OGG1: variants seen among roughly 807,000 people sequenced by gnomAD.
The protein encoded by OGG1 is N-glycosylase/DNA lyase.
Under a neutral mutation model 42.3 loss-of-function variants are expected in OGG1, and 35 were observed. The observed-to-expected ratio is 0.83, with a 90% CI of 0.63 to 1.10. The LOEUF is 1.10. OGG1 is among the 50% of genes least tolerant of loss of function. The probability of loss-of-function intolerance (pLI) is 0.00; values close to 1 mark genes in which losing one functional copy is unlikely to be tolerated. For synonymous variants in OGG1, 189 were observed against 179.0 expected (o/e 1.06, Z -0.44); for missense variants, 484 against 446.7 (o/e 1.08, Z -0.75).
At chr3:9,754,596 G>A in intron 3 of OGG1, 108 bp from the exon 4 acceptor site, 2 of 1,210,250 alleles carry the variant, frequency 1.7e-6, no homozygotes, top group Non-Finnish European at 2.4e-6. Flanking sequence ...GAGGTAGGAG[G>A]GGAACTTAGG....
intron 3 of OGG1, among the ~76,000 whole-genome samples, chr3:9,782,284 C>G (rs1244335591): frequency 6.6e-6 from 1 of 152,228 alleles, no homozygotes; most frequent in Non-Finnish European, 1.5e-5. Context: ...GGCTTTGATT[C>G]AACCACAGGT....
chr3:9,750,387 G>T lies in OGG1; in HGVS notation c.101G>T (p.Arg34Leu), dbSNP rs756052627. Residue 34 changes from arginine (R) to leucine (L), a missense_variant, in exon 1 of 7, where the codon CGC (arginine) becomes CTC (leucine). Arg to Leu is a moderately radical substitution (Grantham distance 102). Transcript: ENST00000344629. ...ASIPCPRSEL[R>L]LDLVLPSGQS... ...ATCCCGTGCCCTCGCTCTGAGCTGC[G>T]CCTGGACCTGGTTCTGCCTTCTGGA... 1 of 1,614,020 alleles carries T rather than the reference G, an allele frequency of 6.2e-7. No homozygotes were observed. Among genetic ancestry groups the T allele is most frequent in the Non-Finnish European group, 8.5e-7 (1 of 1,180,028 alleles).
intron 3 of OGG1, among the ~76,000 whole-genome samples, chr3:9,752,984 G>C (rs1171447968): frequency 6.6e-6 from 1 of 151,990 alleles, no homozygotes; most frequent in Non-Finnish European, 1.5e-5. Context: ...GGAGCAGGAG[G>C]CTCCAGTGAA....
chr3:9,785,943 T>A (rs1359914158), intron 3 of OGG1, among the ~76,000 whole-genome samples: 1 of 97,732 alleles, frequency 1.0e-5, no homozygotes, highest in Admixed American at 9.4e-5. Flanking sequence ...TTTTGTTTTG[T>A]TTTTTTTTTT....
downstream of OGG1, chr3:9,760,155 A>G (rs1032924177): frequency 4.9e-6 from 1 of 202,802 alleles, no homozygotes; most frequent in African/African-American, 2.3e-5. Context: ...GAGGCAGAGA[A>G]TTGCTCGAAC....
intron 3 of OGG1, among the ~76,000 whole-genome samples, chr3:9,784,395 C>T (rs1299640571): frequency 6.6e-6 from 1 of 152,028 alleles, no homozygotes; most frequent in Admixed American, 6.6e-5. Context: ...AAACAAGCAA[C>T]GTATGTATCT....
Position 9,757,269 on chromosome 3 carries a change from G to A in OGG1, c.*119G>A, listed in dbSNP as rs1265917716. On this transcript the variant is annotated 3_prime_UTR_variant, in exon 7 of 7. Transcript: ENST00000344629. This position sits in a 1 kb window ranked among gnomAD's most constrained non-coding sequence, Gnocchi z 4.5. ...GGGCCTCCCTGTGACTACCTCAAAG[G>A]CCAGGCACCCCCAAATCAAGCAGTC... 2 of 1,614,024 alleles carry A rather than the reference G, an allele frequency of 1.2e-6. No individual in the cohort carries two copies. The highest frequency in any genetic ancestry group is 1.1e-5 in the South Asian group (1 of 91,088).
At chr3:9,777,221 G>C (rs757084291) in intron 2 of OGG1, among the ~76,000 whole-genome samples, 5 of 152,172 alleles carry the variant, frequency 3.3e-5, no homozygotes, top group Non-Finnish European at 7.4e-5. Context: ...TGCTTTCTAG[G>C]GCCAAGACAC....
At chr3:9,767,740 C>A, downstream of OGG1, 1 of 1,613,996 alleles carries the variant, frequency 6.2e-7, no homozygotes, top group Non-Finnish European at 8.5e-7. Flanking sequence ...CCTTCCACTG[C>A]CCCCAGCATG....
chr3:9,751,356 TAGTA>T (rs1162830255), intron 2 of OGG1, among the ~76,000 whole-genome samples, 164 bp downstream of exon 2: 4 of 152,218 alleles, frequency 2.6e-5, no homozygotes, highest in Non-Finnish European at 4.4e-5. Context: ...GCCAGGCACA[TAGTA>T]AGTATTATTA....
rs1319399932 is a variant in OGG1, at chr3:9,750,528, C to G, written c.137+105C>G. The G allele has an allele frequency of 2.0e-6, 3 of 1,520,424 alleles. No individual in the cohort carries two copies. The Admixed American group carries it at 5.6e-5, about 28-fold the overall frequency. 94.2% of individuals were successfully genotyped at this position (1,520,424 alleles called of 1,614,324 possible). On this transcript the variant is annotated intron_variant, in intron 1 of 6. Coordinates refer to ENST00000344629, the MANE Select transcript of OGG1 (RefSeq NM_002542.6). ...GAATTTGGGGGATGATGGAAGAAAC[C>G]CGGGGTACAAAAGAGGAAACAAGCA...
downstream of OGG1, chr3:9,761,575 C>T (rs376170684): frequency 6.8e-6 from 11 of 1,613,092 alleles, no homozygotes; most frequent in Non-Finnish European, 9.3e-6. Context: ...CAAATCTCTG[C>T]CCTTCAACTC....
intron 4 of OGG1, among the ~76,000 whole-genome samples, chr3:9,756,121 A>G (rs1055456375): frequency 1.3e-5 from 2 of 152,138 alleles, no homozygotes; most frequent in African/African-American, 4.8e-5. Flanking sequence ...GTTCGAGACC[A>G]GGCTGGCCAA....
chr3:9,787,600 G>A lies in OGG1; in HGVS notation c.383-128G>A, dbSNP rs1375292238. 28 of 1,115,228 alleles carry A rather than the reference G, an allele frequency of 2.5e-5. No homozygotes were observed. The African/African-American group carries it at 3.0e-4, about 12-fold the overall frequency. 69.1% of individuals were successfully genotyped at this position (1,115,228 alleles called of 1,614,324 possible). ...TCCCAAGATAGAAGGTGCAGAATAC[G>A]TACACAGATTGTCTCAGGTCACAGC... On this transcript the variant is annotated intron_variant, in intron 3 of 3. Coordinates refer to the OGG1 transcript ENST00000426518.
At chr3:9,766,347 C>G (rs2078151334) in exon 8 of OGG1, 2 of 671,672 alleles carry the variant, frequency 3.0e-6, no homozygotes, top group Non-Finnish European at 5.4e-6. Flanking sequence ...ATTATGTGTA[C>G]AGTTGGTTCA....
In OGG1 at chr3:9,783,915, AT is replaced by A. The variant is rs1410169566; in HGVS notation, c.382+2318del. 2.1e-6 allele frequency: 3 copies of A among 1,418,556 alleles called. No homozygotes were observed. In the African/African-American group the frequency reaches 4.3e-5, roughly 20 times the overall value. The allele number at this position is 1,418,556 out of a possible 1,614,324, so 87.9% of individuals were successfully genotyped here. A position where few individuals can be genotyped will look rare whatever the true frequency, so the allele number is the denominator to read the frequency against. ...TGTTTTTTTCGAGGCTCTCCAGGTG[AT>A]TTAGAGGCCAGCCAGGATTGGAAAG... On this transcript the variant is annotated intron_variant, in intron 3 of 3. Transcript: ENST00000426518.
At chr3:9,767,421 T>C (rs1183103192), downstream of OGG1, among the ~76,000 whole-genome samples, 2 of 152,208 alleles carry the variant, frequency 1.3e-5, no homozygotes, top group African/African-American at 4.8e-5. Context: ...GCAAGTTAAA[T>C]GGACTGACTG....
downstream of OGG1, chr3:9,767,725 T>C (rs752676650): frequency 1.1e-5 from 18 of 1,614,002 alleles, no homozygotes; most frequent in African/African-American, 2.4e-4. Context: ...TGCTTCCACC[T>C]GGGGCCTTCC....
intron 3 of OGG1, among the ~76,000 whole-genome samples, chr3:9,784,450 A>C (rs1043713801): frequency 3.3e-5 from 5 of 152,170 alleles, no homozygotes; most frequent in African/African-American, 1.2e-4. Flanking sequence ...AACAACCCAG[A>C]GAGAATTACT....
Sources: gnomAD v4.1 joint callset for allele counts (sites outside exome capture counted in the v4.1 genomes callset) on GRCh38, gnomAD v4.1.1 for gene constraint, Gnocchi (gnomAD v3.1) non-coding constraint, MANE v1.5 for transcripts, NCBI Gene and HGNC (gene_info 2026-07-23, HGNC 2026-07-21) for gene names.